Variants in DPP6 observed in about 807,000 individuals in gnomAD.
The protein encoded by DPP6 is dipeptidyl peptidase like 6.
DPP6 carries 69 observed loss-of-function variants against 122.6 expected under a neutral mutation model. The ratio of observed to expected loss-of-function variants is 0.56; its 90% CI spans 0.46 to 0.69. The LOEUF (loss-of-function observed/expected upper bound fraction) is 0.69. DPP6 is among the 30% of genes least tolerant of loss of function. The probability of loss-of-function intolerance (pLI) is 0.00; values close to 1 mark genes in which losing one functional copy is unlikely to be tolerated. For synonymous variants in DPP6, 418 were observed against 433.1 expected, an observed-to-expected ratio of 0.97 and a Z score of 0.43; for missense variants, 928 against 1,116.9, an observed-to-expected ratio of 0.83 and a Z score of 2.41.
chr7:154,574,779 A>ATGTGTGTG (rs1313130628), intron 5 of DPP6, among the ~76,000 whole-genome samples: 1 of 81,416 alleles, frequency 1.2e-5, no homozygotes, highest in Non-Finnish European at 2.2e-5. Flanking sequence ...TGTGGTGCAT[A>ATGTGTGTG]TGTGTGTGTG....
rs552434585 is a variant in DPP6 at position 154,482,907 on chromosome 7, A to G, written c.457+7870A>G. The stretch of plus-strand genomic sequence containing the variant: ...TGGGCAGCTGGAATGGTGATTCTCT[A>G]TTCTTGACAGGGAGTCAGTTTCTGT... On this transcript the variant is annotated intron_variant, in intron 3 of 25. Transcript: ENST00000377770. 4.6e-5 allele frequency among the ~76,000 whole-genome samples: 7 copies of G among 152,266 alleles called. No homozygotes were observed. The East Asian group carries it at 7.7e-4, about 17-fold the overall frequency.
chr7:154,383,416 G>A (rs1042146191), intron 1 of DPP6, among the ~76,000 whole-genome samples: 4 of 152,148 alleles, frequency 2.6e-5, no homozygotes, highest in African/African-American at 4.8e-5. Context: ...AGTTCGCATC[G>A]ATTTGCAAAA....
chr7:154,101,066 G>A (rs62487163), intron 1 of DPP6, among the ~76,000 whole-genome samples: 17,960 of 125,830 alleles, frequency 0.14, 2,801 homozygotes, highest in African/African-American at 0.25. Flanking sequence ...CCAGAGGTCC[G>A]CCTCTTGTCT....
chr7:154,404,875 C>CA (rs959684023), intron 1 of DPP6, among the ~76,000 whole-genome samples: 65 of 149,564 alleles, frequency 4.3e-4, no homozygotes, highest in East Asian at 4.3e-3. Flanking sequence ...GACCCAATTA[C>CA]AAAAAAAAAT....
chr7:154,151,637 C>T (rs1371166936), intron 1 of DPP6, among the ~76,000 whole-genome samples: 1 of 152,172 alleles, frequency 6.6e-6, no homozygotes, highest in Non-Finnish European at 1.5e-5. Flanking sequence ...TCCCCTTGCC[C>T]TCCCTCAGGG....
intron 1 of DPP6, among the ~76,000 whole-genome samples, chr7:154,043,524 T>C (rs1563126577): frequency 6.7e-6 from 1 of 150,058 alleles, no homozygotes; most frequent in Admixed American, 6.7e-5. Context: ...ATTGGAAGTC[T>C]TGTGTTTTAT....
At chr7:154,805,083 G>C (rs1348054955) in intron 15 of DPP6, 119 bp downstream of exon 15, 1 of 1,352,956 alleles carries the variant, frequency 7.4e-7, no homozygotes, top group African/African-American at 1.4e-5. Flanking sequence ...CCCCACCACA[G>C]AGGAGTAGCT....
intron 10 of DPP6, among the ~76,000 whole-genome samples, chr7:154,778,424 C>T (rs552413099): frequency 2.6e-5 from 4 of 152,120 alleles, no homozygotes; most frequent in Non-Finnish European, 5.9e-5. Context: ...GACCCTGATG[C>T]GAAACTCAGC....
intron 6 of DPP6, among the ~76,000 whole-genome samples, chr7:154,640,718 C>G (rs1170910332): frequency 2.0e-5 from 3 of 152,066 alleles, no homozygotes; most frequent in Admixed American, 6.5e-5. Flanking sequence ...GTCTGAGGAT[C>G]TAGGTGGGTT....
intron 1 of DPP6, among the ~76,000 whole-genome samples, chr7:154,369,144 G>C (rs112093274): frequency 1.3e-5 from 2 of 152,264 alleles, no homozygotes; most frequent in African/African-American, 4.8e-5. Context: ...CACCCAGACG[G>C]GAGTGCAATG....
In DPP6 at chr7:154,393,198, A is replaced by G. The variant is rs80092267; in HGVS notation, c.244-53016A>G. On this transcript the variant is annotated intron_variant, in intron 1 of 25. Transcript: ENST00000377770. ...AAGAGTCTAAACGGCTGAGGAATGT[A>G]GATCATTTTTGGACTTAAAATGAAG... 3.6e-3 allele frequency among the ~76,000 whole-genome samples: 551 copies of G among 152,358 alleles called. 2 individuals are homozygous for G. The highest frequency in any genetic ancestry group is 0.013 in the African/African-American group (527 of 41,594).
chr7:154,669,698 G>A (rs143184362), intron 7 of DPP6, among the ~76,000 whole-genome samples: 2 of 152,280 alleles, frequency 1.3e-5, no homozygotes, highest in African/African-American at 2.4e-5. Context: ...TTAAAGTGGT[G>A]CCTAACTGTA....
Position 154,624,701 on chromosome 7 carries a change from C to CCT in DPP6, c.628-13120_628-13119insCT, listed in dbSNP as rs1834954543. 6.6e-6 allele frequency among the ~76,000 whole-genome samples: 1 copy of CCT among 152,156 alleles called. No homozygotes were observed. The highest frequency in any genetic ancestry group is 6.5e-5 in the Admixed American group (1 of 15,272). ...GAGCCCTTGTTAGAAACACATATTTCTAAGCTCCAAGCCTGGAGCCTAGGA... is the reference window on the plus strand; with the variant it reads ...GAGCCCTTGTTAGAAACACATATTTCCTTAAGCTCCAAGCCTGGAGCCTAGGA... On this transcript the variant is annotated intron_variant, in intron 5 of 25. Transcript: ENST00000377770. This position sits in a 1 kb window ranked among gnomAD's most constrained non-coding sequence, Gnocchi z 4.7.
chr7:153,892,646 T>C (rs964460669), intron 1 of DPP6, among the ~76,000 whole-genome samples: 1 of 152,022 alleles, frequency 6.6e-6, no homozygotes, highest in Non-Finnish European at 1.5e-5. Context: ...TTTCTAGGAG[T>C]GTGGCCTTCA....
At chr7:154,202,928 C>T (rs1236517348) in intron 1 of DPP6, among the ~76,000 whole-genome samples, 1 of 152,126 alleles carries the variant, frequency 6.6e-6, no homozygotes, top group Admixed American at 6.5e-5. Context: ...ACACACGAAG[C>T]ATTTTATTTT....
chr7:154,855,184 G>T (rs1354023149), intron 17 of DPP6, among the ~76,000 whole-genome samples: 1 of 152,150 alleles, frequency 6.6e-6, no homozygotes, highest in African/African-American at 2.4e-5. Context: ...GGGCAAAATA[G>T]ATTCGTTTAA....
intron 1 of DPP6, among the ~76,000 whole-genome samples, chr7:154,205,780 A>T (rs1176108980): frequency 2.9e-4 from 44 of 151,264 alleles, no homozygotes; most frequent in African/African-American, 9.5e-4. Flanking sequence ...AAAAAAAAAA[A>T]AAAATTAATT....
chr7:154,156,070 C>T (rs1166488154), intron 1 of DPP6, among the ~76,000 whole-genome samples: 1 of 152,242 alleles, frequency 6.6e-6, no homozygotes, highest in Non-Finnish European at 1.5e-5. Flanking sequence ...CCTGTCTTCC[C>T]CTCTTGGATG....
chr7:153,848,801 T>C, the DPP6 span, among the ~76,000 whole-genome samples: 17 of 152,218 alleles, frequency 1.1e-4, no homozygotes, highest in East Asian at 3.1e-3. Flanking sequence ...TTTTGCTTTT[T>C]ATCTTTTTAT....
Sources: gnomAD v4.1 joint callset for allele counts (sites outside exome capture counted in the v4.1 genomes callset) on GRCh38, gnomAD v4.1.1 for gene constraint, Gnocchi (gnomAD v3.1) non-coding constraint, MANE v1.5 for transcripts, NCBI Gene and HGNC (gene_info 2026-07-23, HGNC 2026-07-21) for gene names.